TBCE: variants seen among roughly 807,000 people sequenced by gnomAD.
TBCE encodes tubulin-specific chaperone E.
Under a neutral mutation model 77.0 loss-of-function variants are expected in TBCE, and 53 were observed. That is an observed-to-expected ratio of 0.69 (90% confidence interval 0.55 to 0.87). The LOEUF is 0.87. Among genes scored for constraint, TBCE ranks in the 40% least tolerant of loss-of-function variants. TBCE has a pLI of 0.00. For synonymous variants in TBCE, 235 were observed against 241.3 expected, an observed-to-expected ratio of 0.97 and a Z score of 0.24; for missense variants, 624 against 622.4, an observed-to-expected ratio of 1.00 and a Z score of -0.03.
intron 2 of TBCE, among the ~76,000 whole-genome samples, chr1:235,397,057 C>T (rs1199622215): frequency 6.6e-6 from 1 of 152,080 alleles, no homozygotes; most frequent in Non-Finnish European, 1.5e-5. Context: ...TCACTGCAAC[C>T]TCCACCGCCC....
chr1:235,407,157 A>G (rs1478039663), intron 3 of TBCE, among the ~76,000 whole-genome samples: 3 of 134,376 alleles, frequency 2.2e-5, no homozygotes, highest in Non-Finnish European at 4.6e-5. Flanking sequence ...TTTTGGACGC[A>G]GGGTCTTGCT....
intron 5 of TBCE, 82 bp from the exon 6 acceptor site, chr1:235,427,058 T>A (rs1309348567): frequency 4.1e-6 from 4 of 970,936 alleles, no homozygotes; most frequent in Non-Finnish European, 6.5e-6. Context: ...GTTAAAACGC[T>A]CATGCTCTGG....
chr1:235,438,764 C>T lies in TBCE; in HGVS notation c.1117-5C>T. 1 of 1,614,100 alleles carries T rather than the reference C, an allele frequency of 6.2e-7. No homozygotes were observed. Among genetic ancestry groups the T allele is most frequent in the Non-Finnish European group, 8.5e-7 (1 of 1,180,012 alleles). ...TAGGCTTGTTTTTATGTCACATGAACATAGATTCTCCCCGAGGAGAGGCGG... is the reference window on the plus strand; with the variant it reads ...TAGGCTTGTTTTTATGTCACATGAATATAGATTCTCCCCGAGGAGAGGCGG... On this transcript the variant is annotated splice_region_variant and splice_polypyrimidine_tract_variant and intron_variant, in intron 12 of 16. Coordinates refer to ENST00000642610, the MANE Select transcript of TBCE (RefSeq NM_003193.5).
intron 8 of TBCE, among the ~76,000 whole-genome samples, chr1:235,434,884 C>T (rs1681341165): frequency 6.6e-6 from 1 of 152,036 alleles, no homozygotes; most frequent in Admixed American, 6.5e-5. Flanking sequence ...TCATTAGCAT[C>T]ATCTGTTTAA....
chr1:235,410,412 G>A (rs1238493479), intron 3 of TBCE, among the ~76,000 whole-genome samples: 5 of 152,108 alleles, frequency 3.3e-5, no homozygotes, highest in Admixed American at 1.3e-4. Flanking sequence ...ATTTCCTGAC[G>A]TTGCCATGGC....
intron 3 of TBCE, among the ~76,000 whole-genome samples, chr1:235,413,246 G>C (rs1199110078): frequency 2.6e-5 from 4 of 152,062 alleles, no homozygotes; most frequent in Non-Finnish European, 5.9e-5. Context: ...TGTAGTCCTA[G>C]CTACGTGGGA....
At chr1:235,368,086 A>T (rs896520657) in intron 1 of TBCE, among the ~76,000 whole-genome samples, 2 of 152,022 alleles carry the variant, frequency 1.3e-5, no homozygotes, top group African/African-American at 4.8e-5. Context: ...TTGTATTTTT[A>T]GTAGAGACAG....
At chr1:235,433,050 C>A (rs1572424567) in intron 7 of TBCE, 1 of 1,552,426 alleles carries the variant, frequency 6.4e-7, no homozygotes, top group South Asian at 1.2e-5. Flanking sequence ...CCAGCAACTG[C>A]ATCATCAGTG....
At chr1:235,424,855 G>T (rs1250610817) in intron 5 of TBCE, among the ~76,000 whole-genome samples, 1 of 152,144 alleles carries the variant, frequency 6.6e-6, no homozygotes, top group African/African-American at 2.4e-5. Flanking sequence ...TGGCCAGGCT[G>T]GTCTCGAACT....
chr1:235,386,387 A>G (rs573761448), intron 2 of TBCE, among the ~76,000 whole-genome samples: 1 of 152,318 alleles, frequency 6.6e-6, no homozygotes, highest in East Asian at 1.9e-4. Context: ...AATATCCTGC[A>G]GAGTGTTTTC....
rs537839716 is a variant in TBCE at position 235,423,195 on chromosome 1, G to T, written c.460+3634G>T. Among the ~76,000 whole-genome samples the T allele has an allele frequency of 4.0e-3, 607 of 152,234 alleles. 4 individuals carry two copies. Among genetic ancestry groups the T allele is most frequent in the African/African-American group, 0.014 (580 of 41,536 alleles). ...GCAGACCCGGGTGTGTCAAATCTGA[G>T]GGTACTTCCAGGGGAGGGGATGAGC... On this transcript the variant is annotated intron_variant, in intron 5 of 16. Coordinates refer to ENST00000642610, the MANE Select transcript of TBCE (RefSeq NM_003193.5).
In TBCE at chr1:235,438,857, C is replaced by G; in HGVS notation, c.1205C>G (p.Pro402Arg). Residue 402 changes from proline (P) to arginine (R), a missense_variant, in exon 13 of 17, where the codon CCG becomes CGG. Physicochemically the swap from Pro to Arg is moderately radical, Grantham distance 103. Coordinates refer to ENST00000642610, the MANE Select transcript of TBCE (RefSeq NM_003193.5). The stretch of plus-strand genomic sequence containing the variant: ...AAACAGGCTGGTGGACATAAGGATC[C>G]GGAAAAAAACAGACTCAGCGAAGAA... ...EWKQAGGHKD[P>R]EKNRLSEEFL... is the part of the protein sequence containing the mutation. 1 of 1,614,052 alleles carries G rather than the reference C, an allele frequency of 6.2e-7. No individual in the cohort carries two copies. The highest frequency in any genetic ancestry group is 8.5e-7 in the Non-Finnish European group (1 of 1,180,010).
At chr1:235,384,130 A>G (rs1378263413) in intron 2 of TBCE, among the ~76,000 whole-genome samples, 9 of 143,678 alleles carry the variant, frequency 6.3e-5, no homozygotes, top group Non-Finnish European at 1.1e-4. Context: ...ATTGATTTGC[A>G]TATATTGAAC....
Position 235,414,587 on chromosome 1 carries a change from A to C in TBCE, c.340A>C (p.Ile114Leu). ...VTIGNKPVET[I>L]GFDSIMKQQS... ...AATTGGAAATAAACCTGTGGAGACTATCGGTTTTGACTCTATTATGAAACA... is the reference window on the plus strand; with the variant it reads ...AATTGGAAATAAACCTGTGGAGACTCTCGGTTTTGACTCTATTATGAAACA... The change falls in exon 4 of 17, where the codon ATC becomes CTC. Residue 114 changes from isoleucine to leucine, a missense_variant. Transcript: ENST00000642610. 1 of 1,613,782 alleles carries C rather than the reference A, an allele frequency of 6.2e-7. No homozygotes were observed. Among genetic ancestry groups the C allele is most frequent in the Non-Finnish European group, 8.5e-7 (1 of 1,179,968 alleles).
At chr1:235,380,238 GCTT>G (rs1270744761) in intron 2 of TBCE, 89 bp downstream of exon 2, 41 of 1,331,444 alleles carry the variant, frequency 3.1e-5, no homozygotes, top group Non-Finnish European at 4.3e-5. Flanking sequence ...TTCTGTGTAA[GCTT>G]CTCAGTAGCA....
chr1:235,445,591 G>A (rs1682200940), intron 15 of TBCE, among the ~76,000 whole-genome samples: 1 of 152,136 alleles, frequency 6.6e-6, no homozygotes, highest in South Asian at 2.1e-4. Flanking sequence ...AGCTGTGATT[G>A]AGCCACTGCA....
Position 235,430,719 on chromosome 1 carries a change from A to G in TBCE, c.575A>G (p.Lys192Arg). The G allele has an allele frequency of 6.2e-7, 1 of 1,613,218 alleles. No individual in the cohort carries two copies. Among genetic ancestry groups the G allele is most frequent in the Non-Finnish European group, 8.5e-7 (1 of 1,179,516 alleles). The change falls in exon 7 of 17, where the codon AAA becomes AGA. Residue 192 changes from lysine to arginine, a missense_variant. By Grantham distance (26) the Lys-to-Arg change is conservative. Coordinates refer to ENST00000642610, the MANE Select transcript of TBCE (RefSeq NM_003193.5). ...TTTCTACACAGTGAAAATAAACTAA[A>G]ATTTCCCTCCGGTTCAGTATTAACT... ...EVLNVSENKL[K>R]FPSGSVLTGT... is the part of the protein sequence containing the mutation.
chr1:235,443,667 C>T (rs1682053166), intron 15 of TBCE, among the ~76,000 whole-genome samples: 1 of 152,176 alleles, frequency 6.6e-6, no homozygotes, highest in Non-Finnish European at 1.5e-5. Flanking sequence ...GAACCAAATT[C>T]TTACGGGAGG....
rs758720912 is a variant in TBCE at position 235,436,598 on chromosome 1, A to G, written c.953A>G (p.Gln318Arg). 5.6e-6 allele frequency: 9 copies of G among 1,613,654 alleles called. No individual in the cohort carries two copies. The highest frequency in any genetic ancestry group is 7.6e-6 in the Non-Finnish European group (9 of 1,179,662). The change falls in exon 11 of 17, where the codon CAG (glutamine) becomes CGG (arginine). Residue 318 changes from glutamine to arginine, a missense_variant. Transcript: ENST00000642610. ...AAGTACCTGGTAGTAAACGACAATC[A>G]GATATCACAAGTAAGAGCTGCTCGG... ...SLKYLVVNDN[Q>R]ISQWSFFNEL... is the part of the protein sequence containing the mutation.
Sources: gnomAD v4.1 joint callset for allele counts (sites outside exome capture counted in the v4.1 genomes callset) on GRCh38, gnomAD v4.1.1 for gene constraint, MANE v1.5 for transcripts, NCBI Gene and HGNC (gene_info 2026-07-23, HGNC 2026-07-21) for gene names.